The following ARHGAP10 variants were observed in gnomAD, a reference collection of about 807,000 sequenced individuals.
The protein encoded by ARHGAP10 is rho GTPase-activating protein 10.
Under a neutral mutation model 108.6 loss-of-function variants are expected in ARHGAP10, and 87 were observed. That is an observed-to-expected ratio of 0.80 (90% confidence interval 0.67 to 0.96). The LOEUF (loss-of-function observed/expected upper bound fraction) is 0.96, where lower values mean the gene tolerates loss of function less well. Among genes scored for constraint, ARHGAP10 ranks in the 40% least tolerant of loss-of-function variants. The probability of loss-of-function intolerance (pLI) is 0.00; values close to 1 mark genes in which losing one functional copy is unlikely to be tolerated. For synonymous variants in ARHGAP10, 347 were observed against 341.1 expected, an observed-to-expected ratio of 1.02 and a Z score of -0.19; for missense variants, 939 against 954.5, an observed-to-expected ratio of 0.98 and a Z score of 0.21.
chr4:148,021,510 G>C (rs186428733), intron 18 of ARHGAP10, among the ~76,000 whole-genome samples: 4 of 152,324 alleles, frequency 2.6e-5, no homozygotes, highest in Non-Finnish European at 5.9e-5. Flanking sequence ...TGCCATATTT[G>C]TAAACATCAA....
At chr4:147,843,089 GC>G (rs1182770240) in intron 3 of ARHGAP10, among the ~76,000 whole-genome samples, 1 of 152,080 alleles carries the variant, frequency 6.6e-6, no homozygotes, top group African/African-American at 2.4e-5. Flanking sequence ...TTGTCATGAA[GC>G]CCACAAACCC....
At chr4:147,918,133 A>ATT (rs760617123) in intron 13 of ARHGAP10, among the ~76,000 whole-genome samples, 27 of 129,982 alleles carry the variant, frequency 2.1e-4, no homozygotes, top group Non-Finnish European at 3.2e-4. Flanking sequence ...TCTCATTAAG[A>ATT]TTTTTTTTTT....
chr4:147,854,478 T>G (rs1325098591), intron 4 of ARHGAP10, among the ~76,000 whole-genome samples: 4 of 152,228 alleles, frequency 2.6e-5, no homozygotes, highest in Non-Finnish European at 4.4e-5. Flanking sequence ...TGGCCCAGAC[T>G]CATTTCAGTT....
intron 18 of ARHGAP10, among the ~76,000 whole-genome samples, chr4:147,977,685 G>T (rs1739647890): frequency 6.6e-6 from 1 of 152,008 alleles, no homozygotes; most frequent in Admixed American, 6.6e-5. Context: ...AGATTTGGGG[G>T]TACATGTACA....
intron 13 of ARHGAP10, among the ~76,000 whole-genome samples, chr4:147,927,646 T>G (rs1737513440): frequency 1.3e-5 from 2 of 152,176 alleles, no homozygotes; most frequent in Admixed American, 6.5e-5. Flanking sequence ...AGCTGGGGTT[T>G]GGAGCCTAGT....
chr4:147,755,722 G>A (rs1303599582), intron 1 of ARHGAP10, among the ~76,000 whole-genome samples: 1 of 152,106 alleles, frequency 6.6e-6, no homozygotes. Flanking sequence ...ATATAGTGTA[G>A]GTGATATTTT....
Position 147,960,735 on chromosome 4 carries a change from A to T in ARHGAP10, c.1451-4289A>T, listed in dbSNP as rs111845236. On this transcript the variant is annotated intron_variant, in intron 16 of 22. Transcript: ENST00000336498. The stretch of plus-strand genomic sequence containing the variant: ...TCATCAGAAGCCCTTTCTCTTGCTC[A>T]TGTGGTCATTATCCACTCCCATGAA... Among the ~76,000 whole-genome samples the T allele has an allele frequency of 1.2e-4, 19 of 152,326 alleles. 1 individual carries two copies. The highest frequency in any genetic ancestry group is 4.6e-4 in the African/African-American group (19 of 41,576).
intron 20 of ARHGAP10, among the ~76,000 whole-genome samples, chr4:148,049,587 C>CT (rs921279098): frequency 1.6e-4 from 24 of 152,066 alleles, no homozygotes; most frequent in African/African-American, 5.1e-4. Flanking sequence ...TCCGGGAAGT[C>CT]TTCCCCATGC....
At chr4:147,931,662 C>T (rs1433813934) in intron 13 of ARHGAP10, among the ~76,000 whole-genome samples, 1 of 152,172 alleles carries the variant, frequency 6.6e-6, no homozygotes, top group Non-Finnish European at 1.5e-5. Context: ...AGGTGGAATA[C>T]AGGTTCACGA....
At chr4:147,843,652 G>A (rs1425964870) in intron 3 of ARHGAP10, among the ~76,000 whole-genome samples, 3 of 152,022 alleles carry the variant, frequency 2.0e-5, no homozygotes, top group African/African-American at 4.8e-5. Flanking sequence ...TCAGCCTCCC[G>A]AGTAGCTGGG....
At chr4:147,888,373 C>T (rs772843575) in intron 10 of ARHGAP10, among the ~76,000 whole-genome samples, 3 of 152,082 alleles carry the variant, frequency 2.0e-5, no homozygotes, top group Non-Finnish European at 2.9e-5. Flanking sequence ...CAAACAGTGT[C>T]GATGTGGTGA....
intron 10 of ARHGAP10, among the ~76,000 whole-genome samples, chr4:147,890,799 C>G (rs1735769341): frequency 6.6e-6 from 1 of 152,046 alleles, no homozygotes; most frequent in Non-Finnish European, 1.5e-5. Flanking sequence ...TGGACTCCAG[C>G]CTGAGCAACA....
intron 22 of ARHGAP10, among the ~76,000 whole-genome samples, chr4:148,071,308 C>T (rs2149696166): frequency 6.6e-6 from 1 of 152,348 alleles, no homozygotes; most frequent in East Asian, 1.9e-4. Context: ...GCCTGTGTTA[C>T]AGACCAGTAA....
chr4:147,739,044 G>A (rs1459665341), intron 1 of ARHGAP10, among the ~76,000 whole-genome samples: 8 of 151,730 alleles, frequency 5.3e-5, no homozygotes, highest in South Asian at 2.1e-4. Flanking sequence ...AAAATTAGCC[G>A]GGTCTGGTGG....
chr4:147,895,491 T>G, intron 10 of ARHGAP10, among the ~76,000 whole-genome samples: 1 of 121,728 alleles, frequency 8.2e-6, no homozygotes, highest in Non-Finnish European at 1.6e-5. Flanking sequence ...GGCAATGTAA[T>G]GAGATAATGA....
At chr4:147,813,902 T>G (rs1280229638) in intron 1 of ARHGAP10, among the ~76,000 whole-genome samples, 1 of 152,264 alleles carries the variant, frequency 6.6e-6, no homozygotes, top group Non-Finnish European at 1.5e-5. Flanking sequence ...TTAATACCTC[T>G]TCTGCAATTT....
rs113027493 is a variant in ARHGAP10 at position 148,005,942 on chromosome 4, C to A, written c.1717-17321C>A. Reference sequence around the variant, plus strand: ...TATTAGGTGAAACAAATACATGTATCTCTTAGTGCAGATTAAAAGTAGCCA... The same window carrying A: ...TATTAGGTGAAACAAATACATGTATATCTTAGTGCAGATTAAAAGTAGCCA... On this transcript the variant is annotated intron_variant, in intron 18 of 22. Transcript: ENST00000336498. Among the ~76,000 whole-genome samples the A allele has an allele frequency of 8.3e-3, 1,261 of 152,324 alleles. 13 individuals carry two copies. The highest frequency in any genetic ancestry group is 0.022 in the African/African-American group (918 of 41,566).
Position 147,893,248 on chromosome 4 carries a change from G to A in ARHGAP10, c.1034+11316G>A, listed in dbSNP as rs187809447. The stretch of plus-strand genomic sequence containing the variant: ...TAATTTTTGTATTTTTAGTAGAGAC[G>A]GGTTTCACCTTGTTGGTCAGGCTGG... On this transcript the variant is annotated intron_variant, in intron 10 of 22. Transcript: ENST00000336498. Among the ~76,000 whole-genome samples, 344 of 151,582 alleles carry A rather than the reference G, an allele frequency of 2.3e-3. 1 individual carries two copies. The highest frequency in any genetic ancestry group is 6.3e-3 in the African/African-American group (262 of 41,356).
intron 10 of ARHGAP10, among the ~76,000 whole-genome samples, chr4:147,885,138 C>G (rs1735492893): frequency 1.3e-5 from 2 of 150,720 alleles, no homozygotes; most frequent in African/African-American, 4.9e-5. Flanking sequence ...AGGTGGGAAA[C>G]AAAGTGGGGG....
Sources: allele counts gnomAD v4.1 joint callset (sites outside exome capture counted in the v4.1 genomes callset), GRCh38; gene constraint gnomAD v4.1.1; transcripts MANE v1.5; gene names NCBI Gene and HGNC (gene_info 2026-07-23, HGNC 2026-07-21).